The following PPARGC1A variants were observed in gnomAD, a reference collection of about 807,000 sequenced individuals.
The protein encoded by PPARGC1A is PPARG coactivator 1 alpha.
A neutral mutation model predicts 88.7 loss-of-function variants in PPARGC1A; 25 were observed. The observed-to-expected ratio is 0.28, with a 90% CI of 0.21 to 0.39. The LOEUF is 0.39. PPARGC1A is among the 10% of genes least tolerant of loss of function. The pLI is 1.00. For missense variants in PPARGC1A, 880 were observed against 968.7 expected, an observed-to-expected ratio of 0.91 and a Z score of 1.22; for synonymous variants, 363 against 355.6, an observed-to-expected ratio of 1.02 and a Z score of -0.24.
chr4:24,200,925 A>G, the PPARGC1A span, among the ~76,000 whole-genome samples: 1 of 152,192 alleles, frequency 6.6e-6, no homozygotes, highest in Non-Finnish European at 1.5e-5. Flanking sequence ...TACATCAGAC[A>G]CTATTCACTC....
At chr4:23,960,049 G>A in the PPARGC1A span, among the ~76,000 whole-genome samples, 28 of 152,200 alleles carry the variant, frequency 1.8e-4, no homozygotes, top group Admixed American at 5.9e-4. Flanking sequence ...CACACAACAC[G>A]GTATGATTTT....
the PPARGC1A span, among the ~76,000 whole-genome samples, chr4:24,193,661 C>A: frequency 2.0e-5 from 3 of 152,178 alleles, no homozygotes; most frequent in Non-Finnish European, 2.9e-5. Context: ...AGCTGTATCC[C>A]AACTCCTGGC....
At chr4:24,274,452 G>A in the PPARGC1A span, among the ~76,000 whole-genome samples, 2 of 152,262 alleles carry the variant, frequency 1.3e-5, no homozygotes, top group East Asian at 3.9e-4. Context: ...CTCCTTCGTC[G>A]CTACTCAGTT....
chr4:24,050,410 G>A, the PPARGC1A span, among the ~76,000 whole-genome samples: 369 of 151,822 alleles, frequency 2.4e-3, no homozygotes, highest in Middle Eastern at 6.8e-3. Flanking sequence ...GTTGGTCAGG[G>A]TGGTCTCTAG....
chr4:24,360,288 C>T, the PPARGC1A span, among the ~76,000 whole-genome samples: 3 of 152,114 alleles, frequency 2.0e-5, no homozygotes, highest in African/African-American at 7.2e-5. Context: ...ACTTCTCACT[C>T]AACCATTTTA....
At chr4:24,048,686 C>A in the PPARGC1A span, among the ~76,000 whole-genome samples, 3 of 152,170 alleles carry the variant, frequency 2.0e-5, no homozygotes, top group Non-Finnish European at 4.4e-5. Flanking sequence ...TCTACCCAAC[C>A]TGAGCCTATG....
At chr4:24,295,708 T>C in the PPARGC1A span, among the ~76,000 whole-genome samples, 219 of 149,956 alleles carry the variant, frequency 1.5e-3, no homozygotes, top group Middle Eastern at 7.1e-3. Flanking sequence ...TTACATTATA[T>C]ACACATATAC....
chr4:23,892,255 A>G (rs1240800908), upstream of PPARGC1A, among the ~76,000 whole-genome samples: 1 of 152,212 alleles, frequency 6.6e-6, no homozygotes, highest in South Asian at 2.1e-4. Context: ...CACTGAAACC[A>G]GAAGTGATTT....
chr4:23,828,009 C>T (rs1724305069), intron 5 of PPARGC1A, among the ~76,000 whole-genome samples: 1 of 152,026 alleles, frequency 6.6e-6, no homozygotes, highest in African/African-American at 2.4e-5. Context: ...TATAACAAAT[C>T]ACTGGTGCCT....
At chr4:24,402,274 A>C in the PPARGC1A span, among the ~76,000 whole-genome samples, 1 of 152,184 alleles carries the variant, frequency 6.6e-6, no homozygotes, top group Non-Finnish European at 1.5e-5. Flanking sequence ...TGGACTCTGC[A>C]GCGGCTGCTA....
chr4:23,878,292 A>G (rs895400251), intron 2 of PPARGC1A, among the ~76,000 whole-genome samples: 1 of 151,950 alleles, frequency 6.6e-6, no homozygotes, highest in Non-Finnish European at 1.5e-5. Flanking sequence ...GCCTAATGAA[A>G]CATACACATT....
the PPARGC1A span, among the ~76,000 whole-genome samples, chr4:23,988,989 A>C: frequency 2.7e-5 from 4 of 148,268 alleles, no homozygotes; most frequent in Admixed American, 2.7e-4. Flanking sequence ...TATAGTATAC[A>C]TACACTATTA....
At chr4:24,442,357 G>A in the PPARGC1A span, among the ~76,000 whole-genome samples, 1 of 151,764 alleles carries the variant, frequency 6.6e-6, no homozygotes, top group South Asian at 2.1e-4. Context: ...GCAGTAAGGG[G>A]AAAAAAAATC....
At chr4:24,373,881 C>G in the PPARGC1A span, among the ~76,000 whole-genome samples, 1 of 152,174 alleles carries the variant, frequency 6.6e-6, no homozygotes, top group Admixed American at 6.5e-5. Flanking sequence ...CTGGCAATTG[C>G]TATGTGATAG....
chr4:23,819,799 GGTCTTCCTTTCTTA>G (rs1030977076), intron 7 of PPARGC1A, among the ~76,000 whole-genome samples: 81 of 152,216 alleles, frequency 5.3e-4, no homozygotes, highest in Middle Eastern at 3.4e-3. Flanking sequence ...GAATTTGTTG[GGTCTTCCTTTCTTA>G]GATTCTTGAA....
At chr4:23,938,754 A>G in the PPARGC1A span, among the ~76,000 whole-genome samples, 2 of 152,202 alleles carry the variant, frequency 1.3e-5, no homozygotes, top group Non-Finnish European at 2.9e-5. Flanking sequence ...ACAGATAAAC[A>G]AGAAGGTTAG....
Position 23,889,381 on chromosome 4 carries a change from A to G in PPARGC1A, c.54+523T>C, listed in dbSNP as rs16874290. On this transcript the variant is annotated intron_variant, in intron 1 of 12. Coordinates refer to ENST00000264867, the MANE Select transcript of PPARGC1A (RefSeq NM_013261.5). Reference sequence around the variant, plus strand: ...TGTTTTGTGTTCTGTGGGAAAAGCAATCTAAAATAGCCCAGCAGGATTATT... The same window carrying G: ...TGTTTTGTGTTCTGTGGGAAAAGCAGTCTAAAATAGCCCAGCAGGATTATT... 6.6e-3 allele frequency: 6,506 copies of G among 984,620 alleles called. 313 individuals are homozygous for G. The African/African-American group carries it at 0.1, about 16-fold the overall frequency. The allele number at this position is 984,620 out of a possible 1,614,324, so 61.0% of individuals were successfully genotyped here.
chr4:23,866,059 T>C (rs907028005), intron 2 of PPARGC1A: 3 of 152,138 alleles, frequency 2.0e-5, no homozygotes, highest in African/African-American at 7.2e-5. Context: ...CAGACAAGAA[T>C]TGACAGAGCA....
the PPARGC1A span, among the ~76,000 whole-genome samples, chr4:23,951,564 G>A: frequency 6.6e-6 from 1 of 152,054 alleles, no homozygotes; most frequent in African/African-American, 2.4e-5. Context: ...ATGTATAACA[G>A]ATTTCAAAGA....
Sources: allele counts gnomAD v4.1 joint callset (sites outside exome capture counted in the v4.1 genomes callset), GRCh38; gene constraint gnomAD v4.1.1; transcripts MANE v1.5; gene names NCBI Gene and HGNC (gene_info 2026-07-23, HGNC 2026-07-21).